The following COL9A1 variants were observed in gnomAD, a reference collection of about 807,000 sequenced individuals.
COL9A1 encodes collagen type IX alpha 1 chain.
Under a neutral mutation model 142.6 loss-of-function variants are expected in COL9A1, and 104 were observed. That is an observed-to-expected ratio of 0.73 (90% confidence interval 0.62 to 0.86). The LOEUF is 0.86. Among genes scored for constraint, COL9A1 ranks in the 40% least tolerant of loss-of-function variants. COL9A1 has a pLI of 0.00. For synonymous variants in COL9A1, 466 were observed against 396.0 expected (o/e 1.18, Z -2.10); for missense variants, 1,210 against 1,176.6 (o/e 1.03, Z -0.42).
chr6:70,294,088 T>G (rs181187991), intron 5 of COL9A1, 79 bp downstream of exon 5: 1 of 1,562,284 alleles, frequency 6.4e-7, no homozygotes, highest in East Asian at 2.2e-5. Context: ...CTCAGCTGAT[T>G]ATCAAAGATG....
rs917491067 is a variant in COL9A1, at chr6:70,277,868, C to T, written c.975+2944G>A. On this transcript the variant is annotated intron_variant, in intron 10 of 37. Coordinates refer to ENST00000357250, the MANE Select transcript of COL9A1 (RefSeq NM_001851.6). ...ACGAAATGATTCGAGGTTTAAGGTC[C>T]TACCAGCACACTCAGGTTCACCTAC... Among the ~76,000 whole-genome samples the T allele has an allele frequency of 5.2e-4, 79 of 152,156 alleles. 1 individual carries two copies. The highest frequency in any genetic ancestry group is 8.8e-5 in the Non-Finnish European group (6 of 68,030).
At chr6:70,295,172 T>G (rs1318312717) in intron 4 of COL9A1, among the ~76,000 whole-genome samples, 2 of 152,026 alleles carry the variant, frequency 1.3e-5, no homozygotes, top group Non-Finnish European at 2.9e-5. Context: ...ATGTTTGTCT[T>G]TTTTTAGGGA....
intron 19 of COL9A1, chr6:70,261,211 T>C (rs1192020501): frequency 1.3e-5 from 2 of 158,220 alleles, no homozygotes; most frequent in African/African-American, 4.8e-5. Context: ...TCCCTTGTAG[T>C]CACTATTCAT....
intron 28 of COL9A1, among the ~76,000 whole-genome samples, chr6:70,250,920 A>G (rs1770897176): frequency 6.6e-6 from 1 of 152,194 alleles, no homozygotes; most frequent in South Asian, 2.1e-4. Context: ...TCACACTAAG[A>G]AAAGTCTGGT....
intron 5 of COL9A1, among the ~76,000 whole-genome samples, chr6:70,287,186 T>C (rs996038139): frequency 2.9e-4 from 44 of 152,026 alleles, no homozygotes; most frequent in African/African-American, 9.9e-4. Context: ...AGGGTTTACA[T>C]AGAGGGGTTA....
intron 35 of COL9A1, among the ~76,000 whole-genome samples, chr6:70,233,038 G>T (rs774433918): frequency 2.9e-4 from 44 of 152,056 alleles, no homozygotes; most frequent in Admixed American, 2.4e-3. Context: ...GGTAGCAGGG[G>T]GTGGGATTCA....
At chr6:70,230,480 T>G (rs181131822) in intron 36 of COL9A1, among the ~76,000 whole-genome samples, 1 of 152,316 alleles carries the variant, frequency 6.6e-6, no homozygotes. Context: ...TGTTATAGAT[T>G]ATGTCATGAA....
At chr6:70,262,378 A>C (rs1470354228) in intron 19 of COL9A1, among the ~76,000 whole-genome samples, 1 of 152,098 alleles carries the variant, frequency 6.6e-6, no homozygotes, top group Non-Finnish European at 1.5e-5. Context: ...CTTTAACTTA[A>C]TTTCCCTTAC....
At chr6:70,217,776 A>C (rs892336072) in intron 37 of COL9A1, among the ~76,000 whole-genome samples, 1 of 152,200 alleles carries the variant, frequency 6.6e-6, no homozygotes, top group Non-Finnish European at 1.5e-5. Flanking sequence ...ATCATTTATG[A>C]AAAATGTGAC....
intron 5 of COL9A1, among the ~76,000 whole-genome samples, chr6:70,288,758 C>A (rs1388021835): frequency 6.6e-6 from 1 of 152,110 alleles, no homozygotes. Flanking sequence ...CAGGTTTCTG[C>A]CAAAATATTT....
At chr6:70,251,548 TA>T (rs1474979906) in intron 28 of COL9A1, among the ~76,000 whole-genome samples, 4 of 152,172 alleles carry the variant, frequency 2.6e-5, no homozygotes, top group African/African-American at 9.7e-5. Flanking sequence ...CCATATCTCT[TA>T]AAAAATTAAC....
At position 70,216,740 on chromosome 6, in the gene COL9A1, T is replaced by C. The variant is rs567006253; in HGVS notation, c.*157A>G. 1.8e-5 allele frequency: 14 copies of C among 770,724 alleles called. No individual in the cohort carries two copies. In the African/African-American group the frequency reaches 2.1e-4, roughly 11 times the overall value. 47.7% of individuals were successfully genotyped at this position (770,724 alleles called of 1,614,324 possible). A position where few individuals can be genotyped will look rare whatever the true frequency, so the allele number is the denominator to read the frequency against. On this transcript the variant is annotated 3_prime_UTR_variant, in exon 38 of 38. Coordinates refer to ENST00000357250, the MANE Select transcript of COL9A1 (RefSeq NM_001851.6). ...TACTGAATAGCACCGTTCTTCTATA[T>C]GTGATTGTCAAGTAGGACTTCTGTA...
Position 70,261,319 on chromosome 6 carries a change from G to A in COL9A1, c.1396-609C>T, listed in dbSNP as rs149898119. The stretch of plus-strand genomic sequence containing the variant: ...GTGGATAATCCTAAAAATGAGGGGC[G>A]GGGTGTGATTTCTAGGATCTCTTTC... On this transcript the variant is annotated intron_variant, in intron 19 of 37. Coordinates refer to ENST00000357250, the MANE Select transcript of COL9A1 (RefSeq NM_001851.6). 2.8e-3 allele frequency among the ~76,000 whole-genome samples: 419 copies of A among 152,218 alleles called. 2 individuals are homozygous for A. Among genetic ancestry groups the A allele is most frequent in the Non-Finnish European group, 3.6e-3 (247 of 68,020 alleles).
chr6:70,226,269 A>G (rs115577580), intron 36 of COL9A1, among the ~76,000 whole-genome samples: 375 of 152,340 alleles, frequency 2.5e-3, no homozygotes, highest in African/African-American at 8.7e-3. Context: ...TAAAACATTC[A>G]ATAAAATAAG....
chr6:70,279,276 A>T (rs1772960390), intron 10 of COL9A1, among the ~76,000 whole-genome samples: 1 of 152,200 alleles, frequency 6.6e-6, no homozygotes, highest in Admixed American at 6.5e-5. Flanking sequence ...AAAGAGTTTG[A>T]TTGCCAACAA....
At chr6:70,299,588 G>T (rs531033292) in intron 4 of COL9A1, among the ~76,000 whole-genome samples, 1 of 152,168 alleles carries the variant, frequency 6.6e-6, no homozygotes, top group African/African-American at 2.4e-5. Flanking sequence ...TTTTAGTTTT[G>T]CTTTGGTTTG....
intron 37 of COL9A1, among the ~76,000 whole-genome samples, chr6:70,217,924 T>C (rs1768629865): frequency 6.6e-6 from 1 of 152,162 alleles, no homozygotes. Context: ...GCAGATCACC[T>C]GAGGTCAGGA....
intron 28 of COL9A1, among the ~76,000 whole-genome samples, chr6:70,248,733 G>A (rs1367106380): frequency 1.3e-5 from 2 of 152,118 alleles, no homozygotes; most frequent in Non-Finnish European, 2.9e-5. Flanking sequence ...GATTCAATTC[G>A]TTTCAAGAAA....
At chr6:70,236,112 CAAAAAAAAAA>C (rs368419095) in intron 33 of COL9A1, among the ~76,000 whole-genome samples, 6 of 49,010 alleles carry the variant, frequency 1.2e-4, no homozygotes, top group African/African-American at 4.0e-4. Context: ...GACTCCATCT[CAAAAAAAAAA>C]AAAAAAAAAA....
Sources: gnomAD v4.1 joint callset for allele counts (sites outside exome capture counted in the v4.1 genomes callset) on GRCh38, gnomAD v4.1.1 for gene constraint, MANE v1.5 for transcripts, NCBI Gene and HGNC (gene_info 2026-07-23, HGNC 2026-07-21) for gene names.